The following EYA4 variants were observed in gnomAD, a reference collection of about 807,000 sequenced individuals.
The protein encoded by EYA4 is EYA transcriptional coactivator and phosphatase 4, also known as protein phosphatase EYA4.
A neutral mutation model predicts 87.9 loss-of-function variants in EYA4; 31 were observed. The observed-to-expected ratio is 0.35, with a 90% confidence interval of 0.27 to 0.48. The LOEUF (loss-of-function observed/expected upper bound fraction) is 0.48. EYA4 is among the 20% of genes least tolerant of loss of function. The pLI, the probability that EYA4 is intolerant of heterozygous loss-of-function variation, is 0.99. For missense variants in EYA4, 678 were observed against 761.4 expected (o/e 0.89, Z 1.29); for synonymous variants, 263 against 270.6 (o/e 0.97, Z 0.28).
rs1245263334 is a variant in EYA4 at position 133,495,487 on chromosome 6, G to T, written c.1192-10619G>T. On this transcript the variant is annotated intron_variant, in intron 13 of 19. Transcript: ENST00000355286. ...TTATAAATAAATATAAAGAAATATA[G>T]AAGAGAGAGGTAGGCAAGGGCTGGA... 3.6e-3 allele frequency among the ~76,000 whole-genome samples: 266 copies of T among 74,020 alleles called. 10 individuals are homozygous for T. The highest frequency in any genetic ancestry group is 8.8e-3 in the African/African-American group (133 of 15,044). The allele number at this position is 74,020 out of a possible 152,430, so 48.6% of individuals were successfully genotyped here.
At chr6:133,277,740 C>G (rs1187232576) in intron 2 of EYA4, among the ~76,000 whole-genome samples, 10 of 152,138 alleles carry the variant, frequency 6.6e-5, no homozygotes, top group Admixed American at 6.6e-4. Context: ...TTCCTTTGTC[C>G]TTTATGCCAG....
intron 3 of EYA4, among the ~76,000 whole-genome samples, chr6:133,428,724 C>T (rs574875641): frequency 4.6e-5 from 7 of 152,064 alleles, no homozygotes; most frequent in East Asian, 1.9e-4. Context: ...TTATATTCAG[C>T]GGAAGAGGCA....
At chr6:133,377,759 G>T (rs892405212) in intron 2 of EYA4, among the ~76,000 whole-genome samples, 2 of 151,854 alleles carry the variant, frequency 1.3e-5, no homozygotes, top group Non-Finnish European at 2.9e-5. Flanking sequence ...TATTATAAAA[G>T]TAACTAGTAG....
chr6:133,305,472 C>T (rs571440172), intron 2 of EYA4, among the ~76,000 whole-genome samples: 12 of 152,200 alleles, frequency 7.9e-5, no homozygotes, highest in African/African-American at 2.6e-4. Context: ...TCATATTTAC[C>T]GTGTGCCTGC....
At chr6:133,348,882 G>A (rs1783421820) in intron 2 of EYA4, among the ~76,000 whole-genome samples, 1 of 152,084 alleles carries the variant, frequency 6.6e-6, no homozygotes, top group Non-Finnish European at 1.5e-5. Flanking sequence ...AAAAGATTAA[G>A]TCAGAGCCTG....
chr6:133,265,318 T>A (rs1320881207), intron 1 of EYA4, among the ~76,000 whole-genome samples: 2 of 151,828 alleles, frequency 1.3e-5, no homozygotes, highest in Non-Finnish European at 2.9e-5. Flanking sequence ...CGCAATTGTT[T>A]TTGCACAAAC....
At chr6:133,347,243 A>T (rs922579924) in intron 2 of EYA4, among the ~76,000 whole-genome samples, 17 of 152,136 alleles carry the variant, frequency 1.1e-4, no homozygotes, top group Non-Finnish European at 2.4e-4. Context: ...CAAACCATGC[A>T]TTTCCCCACA....
intron 11 of EYA4, among the ~76,000 whole-genome samples, chr6:133,475,756 TA>T (rs965797089): frequency 6.6e-6 from 1 of 152,014 alleles, no homozygotes; most frequent in Non-Finnish European, 1.5e-5. Flanking sequence ...TTTCTTCTTT[TA>T]AAAAAAAGTG....
At chr6:133,320,063 A>G (rs1464611069) in intron 2 of EYA4, among the ~76,000 whole-genome samples, 1 of 151,206 alleles carries the variant, frequency 6.6e-6, no homozygotes, top group Non-Finnish European at 1.5e-5. Context: ...TTGAATAGGG[A>G]GTTTGTTATT....
chr6:133,455,479 G>T (rs750417999), intron 5 of EYA4, among the ~76,000 whole-genome samples: 3 of 152,148 alleles, frequency 2.0e-5, no homozygotes, highest in Non-Finnish European at 4.4e-5. Context: ...TTCTGTTCAT[G>T]TGGAAAAGAG....
chr6:133,461,318 A>C (rs1255411488), intron 7 of EYA4, 138 bp downstream of exon 7: 2 of 701,838 alleles, frequency 2.8e-6, no homozygotes, highest in African/African-American at 3.5e-5. Context: ...AGACACCCAC[A>C]TGTATCTTGA....
In EYA4 at chr6:133,531,883, A is replaced by G. The variant is rs1367634824; in HGVS notation, c.*3078A>G. The G allele has an allele frequency of 6.6e-6, 1 of 152,156 alleles. No homozygotes were observed. Among genetic ancestry groups the G allele is most frequent in the East Asian group, 1.9e-4 (1 of 5,190 alleles). 9.4% of individuals were successfully genotyped at this position (152,156 alleles called of 1,614,324 possible). On this transcript the variant is annotated 3_prime_UTR_variant, in exon 20 of 20. Transcript: ENST00000355286. ...ATTCTCAGTGAATATGGCATTTAGTATTTCTTTTGAAAACAAACTTAAGCA... is the reference window on the plus strand; with the variant it reads ...ATTCTCAGTGAATATGGCATTTAGTGTTTCTTTTGAAAACAAACTTAAGCA...
At position 133,525,090 on chromosome 6, in the gene EYA4, G is replaced by A. The variant is rs143208937; in HGVS notation, c.1739-64G>A. 233 of 1,613,650 alleles carry A rather than the reference G, an allele frequency of 1.4e-4. No homozygotes were observed. In the Middle Eastern group the frequency reaches 4.1e-3, roughly 29 times the overall value. ...ACTTATGTTGTGATTGGAGATGGCC[G>A]AGATGAGGAGCATGCCGCTAACCAG... On this transcript the variant is annotated intron_variant, in intron 18 of 19. Coordinates refer to ENST00000355286, the MANE Select transcript of EYA4 (RefSeq NM_004100.5).
chr6:133,342,055 A>G (rs763340643), intron 2 of EYA4, among the ~76,000 whole-genome samples: 6 of 152,146 alleles, frequency 3.9e-5, no homozygotes, highest in African/African-American at 9.6e-5. Flanking sequence ...GCTGACTGAC[A>G]TGAAAGCACT....
chr6:133,406,735 C>G (rs1788741818), intron 3 of EYA4, among the ~76,000 whole-genome samples: 1 of 152,104 alleles, frequency 6.6e-6, no homozygotes, highest in African/African-American at 2.4e-5. Context: ...GTTTCTTATA[C>G]TTTAACAAAA....
chr6:133,487,888 G>A (rs1796813622), intron 13 of EYA4, among the ~76,000 whole-genome samples: 1 of 152,128 alleles, frequency 6.6e-6, no homozygotes, highest in Non-Finnish European at 1.5e-5. Context: ...TGCAGTTTAG[G>A]TACCAGCTTG....
intron 1 of EYA4, among the ~76,000 whole-genome samples, chr6:133,243,303 T>C (rs1774127591): frequency 6.6e-6 from 1 of 152,166 alleles, no homozygotes; most frequent in Non-Finnish European, 1.5e-5. Context: ...CCCTTACCCC[T>C]TTTGGCTTGG....
At chr6:133,325,367 A>G (rs1055154099) in intron 2 of EYA4, 26 of 152,200 alleles carry the variant, frequency 1.7e-4, no homozygotes, top group African/African-American at 6.3e-4. Context: ...CTGTACAGGA[A>G]GAGGATTATT....
At chr6:133,449,545 G>GT (rs1212426895) in intron 5 of EYA4, among the ~76,000 whole-genome samples, 4 of 152,244 alleles carry the variant, frequency 2.6e-5, no homozygotes, top group Non-Finnish European at 5.9e-5. Context: ...GTTAAAACTC[G>GT]TGAGTCCATG....
Sources: gnomAD v4.1 joint callset for allele counts (sites outside exome capture counted in the v4.1 genomes callset) on GRCh38, gnomAD v4.1.1 for gene constraint, MANE v1.5 for transcripts, NCBI Gene and HGNC (gene_info 2026-07-23, HGNC 2026-07-21) for gene names.